Variants in RNF220 observed in about 807,000 individuals in gnomAD.
The protein encoded by RNF220 is E3 ubiquitin-protein ligase RNF220.
In RNF220, 7 loss-of-function variants were observed where a neutral mutation model predicts 67.1. The ratio of observed to expected loss-of-function variants is 0.10; its 90% CI spans 0.06 to 0.20. RNF220 has a LOEUF of 0.20. Among genes scored for constraint, RNF220 ranks in the 10% least tolerant of loss-of-function variants. The pLI is 1.00. For synonymous variants in RNF220, 270 were observed against 283.2 expected (o/e 0.95, Z 0.47); for missense variants, 565 against 740.3 (o/e 0.76, Z 2.75).
intron 5 of RNF220, among the ~76,000 whole-genome samples, chr1:44,629,503 A>G (rs1003064849): frequency 2.0e-5 from 3 of 152,122 alleles, no homozygotes; most frequent in African/African-American, 7.2e-5. Flanking sequence ...CAGATAGACA[A>G]TTATGGTCCA....
chr1:44,616,521 A>G (rs945941993), intron 3 of RNF220, among the ~76,000 whole-genome samples: 6 of 152,172 alleles, frequency 3.9e-5, no homozygotes, highest in African/African-American at 1.4e-4. Context: ...ACAGCTAGTA[A>G]GTGATGAAGA....
intron 3 of RNF220, among the ~76,000 whole-genome samples, chr1:44,615,547 C>T (rs966816327): frequency 4.6e-5 from 7 of 152,238 alleles, no homozygotes; most frequent in South Asian, 2.1e-4. Flanking sequence ...ACCTTCTTAC[C>T]GAATCCCCAT....
At chr1:44,635,438 A>G in intron 6 of RNF220, 107 bp from the exon 7 acceptor site, 1 of 1,507,328 alleles carries the variant, frequency 6.6e-7, no homozygotes, top group Non-Finnish European at 9.0e-7. Context: ...CTGAATAAAA[A>G]GGCCAATGGC....
intron 2 of RNF220, among the ~76,000 whole-genome samples, chr1:44,534,305 C>CTATTAT (rs974698793): frequency 6.6e-6 from 1 of 150,982 alleles, no homozygotes; most frequent in African/African-American, 2.4e-5. Context: ...TTTTACATTT[C>CTATTAT]TATTATTATT....
chr1:44,521,932 C>T (rs953804709), intron 2 of RNF220, among the ~76,000 whole-genome samples: 3 of 152,154 alleles, frequency 2.0e-5, no homozygotes, highest in Non-Finnish European at 4.4e-5. Context: ...AGAGAACAAG[C>T]ACCAAAGACC....
At chr1:44,408,702 C>A (rs1647652710) in intron 1 of RNF220, 2 of 152,176 alleles carry the variant, frequency 1.3e-5, no homozygotes. Flanking sequence ...AAAACTGTCA[C>A]CTGTTGTAAT....
At chr1:44,491,662 C>CT (rs559101799) in intron 2 of RNF220, among the ~76,000 whole-genome samples, 183 of 145,036 alleles carry the variant, frequency 1.3e-3, no homozygotes, top group African/African-American at 2.6e-3. Flanking sequence ...GATGTCCACT[C>CT]TTTTTTTTTT....
intron 2 of RNF220, among the ~76,000 whole-genome samples, chr1:44,573,284 T>C (rs537001776): frequency 1.0e-3 from 156 of 152,304 alleles, no homozygotes; most frequent in African/African-American, 3.6e-3. Flanking sequence ...TTGAGGATAA[T>C]GGGGATCCAT....
At chr1:44,425,506 C>T (rs1428603774) in intron 2 of RNF220, among the ~76,000 whole-genome samples, 1 of 152,116 alleles carries the variant, frequency 6.6e-6, no homozygotes, top group African/African-American at 2.4e-5. Flanking sequence ...ACAGGATCCA[C>T]CACAACACTG....
At chr1:44,641,697 C>A (rs575406773) in intron 8 of RNF220, among the ~76,000 whole-genome samples, 82 of 152,046 alleles carry the variant, frequency 5.4e-4, no homozygotes, top group Non-Finnish European at 7.4e-4. Flanking sequence ...GTTTAATGTG[C>A]TGGGAAAGAG....
intron 2 of RNF220, among the ~76,000 whole-genome samples, chr1:44,589,902 AG>A (rs1558071220): frequency 2.0e-5 from 3 of 152,134 alleles, no homozygotes; most frequent in Admixed American, 6.6e-5. Context: ...GGCAGGGAGA[AG>A]GGGTGCACAC....
chr1:44,548,009 T>C (rs1312968953), intron 2 of RNF220, among the ~76,000 whole-genome samples: 1 of 152,102 alleles, frequency 6.6e-6, no homozygotes, highest in African/African-American at 2.4e-5. Context: ...CTTTCCTTCA[T>C]TTTCTCTCTA....
intron 2 of RNF220, among the ~76,000 whole-genome samples, chr1:44,579,172 A>AAAAG (rs553480381): frequency 1.3e-5 from 2 of 151,994 alleles, no homozygotes; most frequent in Non-Finnish European, 2.9e-5. Context: ...AAAAAAAAGA[A>AAAAG]AAAGAAAGAA....
At chr1:44,508,960 C>T (rs891647180) in intron 2 of RNF220, among the ~76,000 whole-genome samples, 5 of 152,104 alleles carry the variant, frequency 3.3e-5, no homozygotes, top group Non-Finnish European at 4.4e-5. Context: ...TGGGGCATCC[C>T]CTGGAGGGCA....
chr1:44,478,967 A>T (rs1038798487), intron 2 of RNF220, among the ~76,000 whole-genome samples: 3 of 152,052 alleles, frequency 2.0e-5, no homozygotes, highest in Non-Finnish European at 4.4e-5. Context: ...ATATTAAATA[A>T]TTTTTGTGGG....
At chr1:44,583,327 A>G (rs1479155091) in intron 2 of RNF220, among the ~76,000 whole-genome samples, 2 of 152,204 alleles carry the variant, frequency 1.3e-5, no homozygotes, top group Non-Finnish European at 2.9e-5. Context: ...AGAAGTAAGC[A>G]GCACAGTCCT....
chr1:44,544,274 GT>G (rs2148232094), intron 2 of RNF220, among the ~76,000 whole-genome samples: 1 of 152,338 alleles, frequency 6.6e-6, no homozygotes, highest in South Asian at 2.1e-4. Context: ...CTCCATCCCT[GT>G]CTTCTGAGGC....
intron 3 of RNF220, among the ~76,000 whole-genome samples, chr1:44,616,321 G>T (rs537994416): frequency 6.6e-6 from 1 of 152,132 alleles, no homozygotes; most frequent in Non-Finnish European, 1.5e-5. Context: ...GAATCCATGG[G>T]CATATAAGAC....
Position 44,412,026 on chromosome 1 carries a change from C to G in RNF220, c.-72C>G. ...CCCAGTAATATTCCCTGCCCTGACC[C>G]AAAGTGCTGGTTGGCCTCCCTCCCA... is the stretch of plus-strand genomic sequence containing the variant. On this transcript the variant is annotated 5_prime_UTR_variant, in exon 2 of 15. Transcript: ENST00000361799. This position sits in a 1 kb window ranked among gnomAD's most constrained non-coding sequence, Gnocchi z 5.3. 1 of 1,531,174 alleles carries G rather than the reference C, an allele frequency of 6.5e-7. No individual in the cohort carries two copies. Among genetic ancestry groups the G allele is most frequent in the Non-Finnish European group, 8.8e-7 (1 of 1,133,518 alleles). 94.8% of individuals were successfully genotyped at this position (1,531,174 alleles called of 1,614,324 possible). A position where few individuals can be genotyped will look rare whatever the true frequency, so the allele number is the denominator to read the frequency against.
Sources: allele counts gnomAD v4.1 joint callset (sites outside exome capture counted in the v4.1 genomes callset), GRCh38; gene constraint gnomAD v4.1.1; non-coding constraint Gnocchi (gnomAD v3.1); transcripts MANE v1.5; gene names NCBI Gene and HGNC (gene_info 2026-07-23, HGNC 2026-07-21).